The following GRIK3 variants were observed in gnomAD, a reference collection of about 807,000 sequenced individuals.
GRIK3 encodes the protein glutamate ionotropic receptor kainate type subunit 3.
In GRIK3, 29 loss-of-function variants were observed where a neutral mutation model predicts 102.5. That is an observed-to-expected ratio of 0.28 (90% CI 0.21 to 0.39). The LOEUF is 0.39. Among genes scored for constraint, GRIK3 ranks in the 10% least tolerant of loss-of-function variants. GRIK3 has a pLI of 1.00. For synonymous variants in GRIK3, 511 were observed against 504.9 expected (o/e 1.01, Z -0.16); for missense variants, 908 against 1,252.4 (o/e 0.73, Z 4.15).
chr1:36,983,499 C>T (rs989627645), intron 1 of GRIK3, among the ~76,000 whole-genome samples: 2 of 152,082 alleles, frequency 1.3e-5, no homozygotes, highest in Non-Finnish European at 2.9e-5. Context: ...GTGCTCTCCA[C>T]GTCTTTATTC....
chr1:37,015,323 T>C (rs1296377011), intron 1 of GRIK3, among the ~76,000 whole-genome samples: 1 of 152,142 alleles, frequency 6.6e-6, no homozygotes, highest in Admixed American at 6.5e-5. Context: ...GCCCCAAATG[T>C]CAAGAAAGTA....
intron 13 of GRIK3, among the ~76,000 whole-genome samples, chr1:36,814,784 G>C (rs1434048438): frequency 6.6e-6 from 1 of 151,902 alleles, no homozygotes; most frequent in Non-Finnish European, 1.5e-5. Context: ...TACCCATGAG[G>C]ATATCCAAGC....
chr1:36,909,682 G>A (rs144688468), intron 1 of GRIK3, among the ~76,000 whole-genome samples: 2 of 152,168 alleles, frequency 1.3e-5, no homozygotes, highest in Non-Finnish European at 2.9e-5. Flanking sequence ...CACAGCTTCT[G>A]AGAAGGCTCT....
intron 1 of GRIK3, among the ~76,000 whole-genome samples, chr1:37,010,026 G>A (rs1368340923): frequency 6.6e-6 from 1 of 152,236 alleles, no homozygotes; most frequent in African/African-American, 2.4e-5. Flanking sequence ...AGTCTTCAGA[G>A]AGGCCAGCTC....
In GRIK3 at chr1:36,953,047, G is replaced by A. The variant is rs1010211125; in HGVS notation, c.116-61951C>T. On this transcript the variant is annotated intron_variant, in intron 1 of 15. Transcript: ENST00000373091. ...CAGGACTACTTGGGTGAGGAGGAGCGGGAGGAGGAGGAAGAGACTGTGCTC... is the reference window on the plus strand; with the variant it reads ...CAGGACTACTTGGGTGAGGAGGAGCAGGAGGAGGAGGAAGAGACTGTGCTC... Among the ~76,000 whole-genome samples the A allele has an allele frequency of 2.6e-5, 4 of 152,184 alleles. No individual in the cohort carries two copies. The South Asian group carries it at 6.2e-4, about 24-fold the overall frequency.
intron 10 of GRIK3, among the ~76,000 whole-genome samples, chr1:36,836,897 C>A (rs1640386382): frequency 6.6e-6 from 1 of 152,080 alleles, no homozygotes; most frequent in African/African-American, 2.4e-5. Flanking sequence ...CTGGGGCTGA[C>A]CTTGTACCCC....
chr1:36,868,537 C>T (rs892127280), intron 5 of GRIK3, among the ~76,000 whole-genome samples: 1 of 152,154 alleles, frequency 6.6e-6, no homozygotes, highest in Non-Finnish European at 1.5e-5. Flanking sequence ...GGAGGCGGCT[C>T]TTATTTGTAG....
intron 1 of GRIK3, among the ~76,000 whole-genome samples, chr1:36,893,920 T>C (rs1056012766): frequency 6.6e-6 from 1 of 152,264 alleles, no homozygotes; most frequent in South Asian, 2.1e-4. Flanking sequence ...GAGGAACTTA[T>C]GTCTTTAACA....
chr1:37,016,681 G>C (rs1010640600), intron 1 of GRIK3, among the ~76,000 whole-genome samples: 1 of 152,092 alleles, frequency 6.6e-6, no homozygotes, highest in East Asian at 1.9e-4. Context: ...CCTGGAACAG[G>C]AAATGACTAT....
intron 1 of GRIK3, among the ~76,000 whole-genome samples, chr1:36,991,247 T>C (rs1390252149): frequency 2.0e-5 from 3 of 152,228 alleles, no homozygotes; most frequent in African/African-American, 7.2e-5. Context: ...ATATCATAGG[T>C]GCATCATAAA....
chr1:36,860,779 G>A (rs924631633), intron 5 of GRIK3, among the ~76,000 whole-genome samples: 3 of 152,332 alleles, frequency 2.0e-5, no homozygotes, highest in East Asian at 1.9e-4. Flanking sequence ...GGCAGAGGAC[G>A]TGGCAGGTGG....
In GRIK3 at chr1:36,816,197, T is replaced by C. The variant is rs528899292; in HGVS notation, c.2091+863A>G. Among the ~76,000 whole-genome samples, 25 of 152,312 alleles carry C rather than the reference T, an allele frequency of 1.6e-4. No homozygotes were observed. The South Asian group carries it at 5.0e-3, about 30-fold the overall frequency. ...GGCATCCCTGGACAAGCCACTTAGCTGCTCTGGGACTCAGTTTCCACACGT... is the reference window on the plus strand; with the variant it reads ...GGCATCCCTGGACAAGCCACTTAGCCGCTCTGGGACTCAGTTTCCACACGT... On this transcript the variant is annotated intron_variant, in intron 13 of 15. Coordinates refer to ENST00000373091, the MANE Select transcript of GRIK3 (RefSeq NM_000831.4).
intron 1 of GRIK3, among the ~76,000 whole-genome samples, chr1:36,963,072 G>A (rs1487520641): frequency 6.6e-6 from 1 of 152,058 alleles, no homozygotes; most frequent in Non-Finnish European, 1.5e-5. Context: ...GGGAGGAGAA[G>A]GAAGGACAGA....
intron 1 of GRIK3, among the ~76,000 whole-genome samples, chr1:37,033,172 G>T (rs1642846784): frequency 6.6e-6 from 1 of 152,260 alleles, no homozygotes; most frequent in South Asian, 2.1e-4. Flanking sequence ...AAAGACCGGA[G>T]TAAGAGTCTC....
At chr1:37,012,290 C>T (rs1032262650) in intron 1 of GRIK3, among the ~76,000 whole-genome samples, 14 of 152,178 alleles carry the variant, frequency 9.2e-5, no homozygotes, top group Non-Finnish European at 7.3e-5. Context: ...TGCTGGATTG[C>T]GACAAGCAGG....
intron 1 of GRIK3, among the ~76,000 whole-genome samples, chr1:37,030,954 C>T (rs1642821200): frequency 6.6e-6 from 1 of 152,114 alleles, no homozygotes; most frequent in Non-Finnish European, 1.5e-5. Context: ...CAGCAGAAAA[C>T]CCAGACCTCC....
chr1:36,913,542 A>G (rs998286290), intron 1 of GRIK3, among the ~76,000 whole-genome samples: 3 of 152,204 alleles, frequency 2.0e-5, no homozygotes, highest in Non-Finnish European at 4.4e-5. Flanking sequence ...ATGAACAGTG[A>G]AGAAATTGCA....
At position 36,892,176 on chromosome 1, in the gene GRIK3, G is replaced by A. The variant is rs547626162; in HGVS notation, c.116-1080C>T. On this transcript the variant is annotated intron_variant, in intron 1 of 15. Coordinates refer to ENST00000373091, the MANE Select transcript of GRIK3 (RefSeq NM_000831.4). ...TGGGACTACAGGCACATGCTGCTAC[G>A]CCCGGATAATTTTTGTATTTTTAGT... Among the ~76,000 whole-genome samples, 44 of 152,170 alleles carry A rather than the reference G, an allele frequency of 2.9e-4. 1 individual carries two copies. Among genetic ancestry groups the A allele is most frequent in the African/African-American group, 6.0e-4 (25 of 41,524 alleles).
At chr1:36,992,304 C>A (rs1642371365) in intron 1 of GRIK3, among the ~76,000 whole-genome samples, 1 of 151,938 alleles carries the variant, frequency 6.6e-6, no homozygotes, top group Non-Finnish European at 1.5e-5. Context: ...GGCCTGCAGG[C>A]AGGGAGAGGC....
Sources: allele counts gnomAD v4.1 joint callset (sites outside exome capture counted in the v4.1 genomes callset), GRCh38; gene constraint gnomAD v4.1.1; transcripts MANE v1.5; gene names NCBI Gene and HGNC (gene_info 2026-07-23, HGNC 2026-07-21).